SH3RF3: variants seen among roughly 807,000 people sequenced by gnomAD.
The protein encoded by SH3RF3 is SH3 domain containing ring finger 3, also known as E3 ubiquitin-protein ligase SH3RF3.
Under a neutral mutation model 66.3 loss-of-function variants are expected in SH3RF3, and 29 were observed. The observed-to-expected ratio is 0.44, with a 90% CI of 0.33 to 0.60. SH3RF3 has a LOEUF of 0.60. Ranked by LOEUF, SH3RF3 falls within the 20% of genes least tolerant of loss-of-function variation. The probability of loss-of-function intolerance (pLI) is 0.04; values close to 1 mark genes in which losing one functional copy is unlikely to be tolerated. For missense variants in SH3RF3, 1,194 were observed against 1,190.9 expected, an observed-to-expected ratio of 1.00 and a Z score of -0.04; for synonymous variants, 583 against 532.0, an observed-to-expected ratio of 1.10 and a Z score of -1.32.
intron 1 of SH3RF3, among the ~76,000 whole-genome samples, chr2:109,157,509 G>A (rs986130967): frequency 6.6e-6 from 1 of 152,138 alleles, no homozygotes; most frequent in Non-Finnish European, 1.5e-5. Context: ...ATCTGAAACT[G>A]GCCTTAGAGA....
chr2:109,134,655 G>A (rs959577283), intron 1 of SH3RF3, among the ~76,000 whole-genome samples: 6 of 152,234 alleles, frequency 3.9e-5, no homozygotes, highest in Admixed American at 2.6e-4. Context: ...TTGCTGAGCG[G>A]CACACAGTTA....
chr2:109,437,662 G>T (rs1008966716), intron 7 of SH3RF3, among the ~76,000 whole-genome samples: 1 of 151,798 alleles, frequency 6.6e-6, no homozygotes, highest in East Asian at 2.0e-4. Flanking sequence ...TTTCTGAAGT[G>T]CTCTGAGGCA....
At chr2:109,448,330 G>C (rs1024387379) in intron 7 of SH3RF3, among the ~76,000 whole-genome samples, 3 of 152,162 alleles carry the variant, frequency 2.0e-5, no homozygotes, top group Non-Finnish European at 4.4e-5. Flanking sequence ...TTTAGAGCAG[G>C]AGTCCCCAGC....
At chr2:109,353,576 T>C (rs1247675723) in intron 2 of SH3RF3, among the ~76,000 whole-genome samples, 1 of 152,070 alleles carries the variant, frequency 6.6e-6, no homozygotes, top group South Asian at 2.1e-4. Flanking sequence ...TGGGGTGCCC[T>C]GTGTCACCTG....
chr2:109,295,459 G>A (rs1681286205), intron 1 of SH3RF3, among the ~76,000 whole-genome samples: 1 of 152,248 alleles, frequency 6.6e-6, no homozygotes, highest in Non-Finnish European at 1.5e-5. Context: ...AGGGCAGGGA[G>A]AGGACCCTGG....
chr2:109,246,211 G>A lies in SH3RF3; in HGVS notation c.574-101463G>A, dbSNP rs146024326. Among the ~76,000 whole-genome samples, 1,315 of 152,336 alleles carry A rather than the reference G, an allele frequency of 8.6e-3. 6 individuals carry two copies. The highest frequency in any genetic ancestry group is 0.014 in the Non-Finnish European group (982 of 68,022). ...GCTGCTGTAACAAAATACCGTAAAC[G>A]CAGTGGTTTAAAAGCGGCAGCAATT... On this transcript the variant is annotated intron_variant, in intron 1 of 9. Transcript: ENST00000309415.
In SH3RF3 at chr2:109,460,663, CAT is replaced by C. The variant is rs200800313; in HGVS notation, c.2148+11175_2148+11176del. Among the ~76,000 whole-genome samples, 473 of 152,338 alleles carry C rather than the reference CAT, an allele frequency of 3.1e-3. 1 individual carries two copies. The highest frequency in any genetic ancestry group is 9.2e-3 in the African/African-American group (383 of 41,562). ...TTTAAATGGCACACAAATTTCACCA[CAT>C]GTTTTCCCATTGAAAGAGGTCTTTT... On this transcript the variant is annotated intron_variant, in intron 8 of 9. Transcript: ENST00000309415.
intron 1 of SH3RF3, among the ~76,000 whole-genome samples, chr2:109,316,333 A>G (rs1262288683): frequency 6.6e-6 from 1 of 152,192 alleles, no homozygotes; most frequent in African/African-American, 2.4e-5. Context: ...ACATGTTGCC[A>G]GGTGATGGTG....
intron 3 of SH3RF3, among the ~76,000 whole-genome samples, chr2:109,375,873 C>G (rs1683369480): frequency 6.6e-6 from 1 of 152,238 alleles, no homozygotes; most frequent in East Asian, 1.9e-4. Flanking sequence ...ATGGGCAGTT[C>G]AGGGCGATGC....
chr2:109,351,260 C>A (rs1444162852), intron 2 of SH3RF3, among the ~76,000 whole-genome samples: 5 of 152,166 alleles, frequency 3.3e-5, no homozygotes, highest in African/African-American at 1.2e-4. Flanking sequence ...CTGGCCTTGG[C>A]AGGGCCTTGC....
At chr2:109,480,097 G>A (rs1366021790) in intron 8 of SH3RF3, among the ~76,000 whole-genome samples, 1 of 152,230 alleles carries the variant, frequency 6.6e-6, no homozygotes, top group East Asian at 1.9e-4. Context: ...CTTTAGCTGA[G>A]AGGTGATACT....
chr2:109,159,082 A>C (rs1291605824), intron 1 of SH3RF3, among the ~76,000 whole-genome samples: 1 of 152,206 alleles, frequency 6.6e-6, no homozygotes, highest in Non-Finnish European at 1.5e-5. Flanking sequence ...GCACCACTGC[A>C]CTCCAGCCTG....
rs1321023709 is a variant in SH3RF3, at chr2:109,432,676, G to A, written c.1574+5G>A. On this transcript the variant is annotated splice_donor_5th_base_variant and intron_variant, in intron 6 of 9. Transcript: ENST00000309415. ...CTACGTGACACCCGTTTCCAGGTGA[G>A]GGCATGGTGGTGGCAGCCTGGGCAA... 6.8e-6 allele frequency: 11 copies of A among 1,608,808 alleles called. No individual in the cohort carries two copies. Among genetic ancestry groups the A allele is most frequent in the Non-Finnish European group, 7.6e-6 (9 of 1,177,440 alleles).
At chr2:109,207,307 TTTG>T (rs2105092948) in intron 1 of SH3RF3, among the ~76,000 whole-genome samples, 1 of 152,304 alleles carries the variant, frequency 6.6e-6, no homozygotes, top group South Asian at 2.1e-4. Context: ...GATTAAAGAA[TTTG>T]TCTCTAATTT....
rs1393540696 is a variant in SH3RF3, at chr2:109,449,321, G to A, written c.1980G>A (p.Met660Ile). 1.2e-6 allele frequency: 2 copies of A among 1,606,234 alleles called. No homozygotes were observed. Among genetic ancestry groups the A allele is most frequent in the Non-Finnish European group, 1.7e-6 (2 of 1,175,998 alleles). Reference sequence around the variant, plus strand: ...ACAGCCACCAGCCCCCGGTGCAGATGTGCCCACGGCCGGCCATCCCCCTCA... The same window carrying A: ...ACAGCCACCAGCCCCCGGTGCAGATATGCCCACGGCCGGCCATCCCCCTCA... ...PQHSHQPPVQMCPRPAIPLTS... is the reference protein window; with the variant it reads ...PQHSHQPPVQICPRPAIPLTS... The change falls in exon 8 of 10, where the codon ATG becomes ATA. Residue 660 changes from methionine (M) to isoleucine (I), a missense_variant. Coordinates refer to ENST00000309415, the MANE Select transcript of SH3RF3 (RefSeq NM_001099289.3).
At chr2:109,257,921 G>A (rs1007371751) in intron 1 of SH3RF3, among the ~76,000 whole-genome samples, 8 of 152,114 alleles carry the variant, frequency 5.3e-5, no homozygotes, top group Non-Finnish European at 1.0e-4. Flanking sequence ...CCTGGGCTCA[G>A]AATGAATTAG....
intron 1 of SH3RF3, among the ~76,000 whole-genome samples, chr2:109,266,702 T>G (rs1487426858): frequency 6.6e-6 from 1 of 152,132 alleles, no homozygotes; most frequent in East Asian, 1.9e-4. Flanking sequence ...GGAAGGCTTC[T>G]AAGCCGTAGT....
At chr2:109,225,306 T>C (rs1465632) in intron 1 of SH3RF3, among the ~76,000 whole-genome samples, 16,724 of 152,260 alleles carry the variant, frequency 0.11, 1,579 homozygotes, top group East Asian at 0.33. Context: ...CAAACCATTG[T>C]ACTCAGCTGG....
At chr2:109,147,160 G>A (rs1003395503) in intron 1 of SH3RF3, among the ~76,000 whole-genome samples, 2 of 152,100 alleles carry the variant, frequency 1.3e-5, no homozygotes, top group East Asian at 3.9e-4. Flanking sequence ...ACAGAGGTTG[G>A]CTGGCACTTC....
Sources: allele counts gnomAD v4.1 joint callset (sites outside exome capture counted in the v4.1 genomes callset), GRCh38; gene constraint gnomAD v4.1.1; transcripts MANE v1.5; gene names NCBI Gene and HGNC (gene_info 2026-07-23, HGNC 2026-07-21).